The following HJV variants were observed in gnomAD, a reference collection of about 807,000 sequenced individuals.
HJV encodes the protein hemojuvelin BMP co-receptor.
A neutral mutation model predicts 22.7 loss-of-function variants in HJV; 18 were observed. That is an observed-to-expected ratio of 0.79 (90% CI 0.55 to 1.18). The LOEUF (loss-of-function observed/expected upper bound fraction) is 1.18, where lower values mean the gene tolerates loss of function less well. Among genes scored for constraint, HJV ranks in the 50% most tolerant of loss-of-function variants. The probability of loss-of-function intolerance (pLI) is 0.00; values close to 1 mark genes in which losing one functional copy is unlikely to be tolerated. For synonymous variants in HJV, 229 were observed against 222.7 expected (o/e 1.03, Z -0.25); for missense variants, 572 against 553.0 (o/e 1.03, Z -0.34).
At position 146,018,496 on chromosome 1, in the gene HJV, G is replaced by A. The variant is rs782493762; in HGVS notation, c.862C>T (p.Arg288Trp). The change falls in exon 4 of 4, where the codon CGG becomes TGG. Residue 288 changes from arginine to tryptophan, a missense_variant. Arg to Trp is a moderately radical substitution (Grantham distance 101). Transcript: ENST00000336751. Reference sequence around the variant, plus strand: ...AAGGAGAGCTGCCCAGCTGTCTGCCGAATGATTATAGTTGTGCCAATGTAG... The same window carrying A: ...AAGGAGAGCTGCCCAGCTGTCTGCCAAATGATTATAGTTGTGCCAATGTAG... The part of the protein sequence containing the change: ...AAYIGTTIII[R>W]QTAGQLSFSI... The A allele has an allele frequency of 4.3e-6, 7 of 1,614,142 alleles. No homozygotes were observed. The highest frequency in any genetic ancestry group is 3.3e-5 in the Admixed American group (2 of 60,026).
chr1:146,017,625 C>T lies in HJV; in HGVS notation c.*452G>A, dbSNP rs1652412540. ...TTTGAATCAAGAAAGCAGAACATAC[C>T]TTACACACACATATTCATCAAATAG... is the stretch of plus-strand genomic sequence containing the variant. On this transcript the variant is annotated 3_prime_UTR_variant, in exon 4 of 4. Coordinates refer to ENST00000336751, the MANE Select transcript of HJV (RefSeq NM_213653.4). The T allele has an allele frequency of 4.7e-6, 1 of 210,710 alleles. No individual in the cohort carries two copies. The highest frequency in any genetic ancestry group is 5.3e-5 in the Admixed American group (1 of 18,780). The allele number at this position is 210,710 out of a possible 1,614,324, so 13.1% of individuals were successfully genotyped here.
intron 3 of HJV, 57 bp downstream of exon 3, chr1:146,019,118 A>C: frequency 7.3e-7 from 1 of 1,372,382 alleles, no homozygotes; most frequent in Non-Finnish European, 1.0e-6. Context: ...ATGGGGAGGA[A>C]TGGTGCCCGT....
intron 1 of HJV, 157 bp from the exon 2 acceptor site, chr1:146,020,477 CTT>C: frequency 2.1e-6 from 1 of 467,170 alleles, no homozygotes; most frequent in Admixed American, 3.3e-5. Flanking sequence ...AGTTAAGCCT[CTT>C]TGCCCTGTTC....
rs1553769330 is a variant in HJV, at chr1:146,018,056, G to A, written c.*21C>T. 1 of 1,612,908 alleles carries A rather than the reference G, an allele frequency of 6.2e-7. No homozygotes were observed. Among genetic ancestry groups the A allele is most frequent in the Admixed American group, 1.7e-5 (1 of 60,002 alleles). On this transcript the variant is annotated 3_prime_UTR_variant, in exon 4 of 4. Coordinates refer to ENST00000336751, the MANE Select transcript of HJV (RefSeq NM_213653.4). ...GTATCTCCAAATCATTTCCAAACTAGTAATGGGACTGATGGTCCCCTTACT... is the reference window on the plus strand; with the variant it reads ...GTATCTCCAAATCATTTCCAAACTAATAATGGGACTGATGGTCCCCTTACT...
intron 1 of HJV, among the ~76,000 whole-genome samples, chr1:146,021,321 T>C: frequency 6.6e-6 from 1 of 152,262 alleles, no homozygotes; most frequent in South Asian, 2.1e-4. Context: ...GAACTCCTTC[T>C]AAAACTTCAT....
In HJV at chr1:146,019,527, G is replaced by A. The variant is rs782681137; in HGVS notation, c.305C>T (p.Ala102Val). 1.5e-5 allele frequency: 25 copies of A among 1,613,060 alleles called. No individual in the cohort carries two copies. The highest frequency in any genetic ancestry group is 6.6e-5 in the South Asian group (6 of 91,084). Reference sequence around the variant, plus strand: ...GATGCCATGTACCGCCGAATGGAAGGCGAGGTCCCCGCGGCAGGTGCGGGC... The same window carrying A: ...GATGCCATGTACCGCCGAATGGAAGACGAGGTCCCCGCGGCAGGTGCGGGC... ...RTARTCRGDL[A>V]FHSAVHGIED... is the part of the protein sequence containing the mutation. Residue 102 changes from alanine to valine, a missense_variant, in exon 3 of 4, where the codon GCC (alanine) becomes GTC (valine). By Grantham distance (64) the Ala-to-Val change is moderately conservative. Coordinates refer to ENST00000336751, the MANE Select transcript of HJV (RefSeq NM_213653.4).
At chr1:146,018,770 A>G (rs1464108845) in intron 3 of HJV, 70 bp from the exon 4 acceptor site, 1 of 1,480,188 alleles carries the variant, frequency 6.8e-7, no homozygotes, top group African/African-American at 1.4e-5. Context: ...GACCTCATAC[A>G]TAGTTAGAGA....
At position 146,019,406 on chromosome 1, in the gene HJV, G is replaced by A; in HGVS notation, c.426C>T (p.Leu142=). The A allele has an allele frequency of 6.2e-7, 1 of 1,613,058 alleles. No homozygotes were observed. ...GPALPGAGSG[L]PAPDPCDYEG... ...CATAGTCACAAGGGTCCGGGGCAGG[G>A]AGGCCGGAGCCCGCGCCTGGAAGGG... is the stretch of plus-strand genomic sequence containing the variant. The change falls in exon 3 of 4, where the codon CTC becomes CTT. Residue 142 remains leucine, a synonymous_variant. Transcript: ENST00000336751.
Position 146,019,432 on chromosome 1 carries a change from C to T in HJV, c.400G>A (p.Ala134Thr). The change falls in exon 3 of 4, where the codon GCC (alanine) becomes ACC (threonine). Residue 134 changes from alanine to threonine, a missense_variant. By Grantham distance (58) the Ala-to-Thr change is moderately conservative. Coordinates refer to ENST00000336751, the MANE Select transcript of HJV (RefSeq NM_213653.4). ...AGGCCGGAGCCCGCGCCTGGAAGGG[C>T]GGGGCCCCGGGGCGGGGGAGGGGCT... ...PTAPPPPRGPALPGAGSGLPA... is the reference protein window; with the variant it reads ...PTAPPPPRGPTLPGAGSGLPA... 6.2e-7 allele frequency: 1 copy of T among 1,611,652 alleles called. No individual in the cohort carries two copies. The highest frequency in any genetic ancestry group is 1.1e-5 in the South Asian group (1 of 91,030).
At position 146,018,023 on chromosome 1, in the gene HJV, GCCAATCTGTATCT is replaced by G; in HGVS notation, c.*41_*53del. ...TTAATGATTCTTTACATTCTTCTATGCCAATCTGTATCTCCAAATCATTTCCAAACTAGTAATG... is the reference window on the plus strand; with the variant it reads ...TTAATGATTCTTTACATTCTTCTATGCCAAATCATTTCCAAACTAGTAATG... On this transcript the variant is annotated 3_prime_UTR_variant, in exon 4 of 4. Coordinates refer to ENST00000336751, the MANE Select transcript of HJV (RefSeq NM_213653.4). 6.3e-7 allele frequency: 1 copy of G among 1,579,158 alleles called. No homozygotes were observed. The highest frequency in any genetic ancestry group is 8.7e-7 in the Non-Finnish European group (1 of 1,149,392).
intron 1 of HJV, 92 bp downstream of exon 1, chr1:146,021,495 G>A (rs1008106313): frequency 6.5e-6 from 1 of 152,674 alleles, no homozygotes; most frequent in Non-Finnish European, 1.5e-5. Flanking sequence ...GCATTTGGAC[G>A]AGAGACATCC....
intron 2 of HJV, 140 bp from the exon 3 acceptor site, chr1:146,019,874 C>G: frequency 7.5e-7 from 1 of 1,331,934 alleles, no homozygotes; most frequent in Non-Finnish European, 1.1e-6. Flanking sequence ...CCCCAGCCCC[C>G]AACCCCCTAG....
rs202011978 is a variant in HJV at position 146,019,446 on chromosome 1, G to A, written c.386C>T (p.Pro129Leu). 4.7e-5 allele frequency: 76 copies of A among 1,612,410 alleles called. No homozygotes were observed. In the African/African-American group the frequency reaches 9.3e-4, roughly 20 times the overall value. The change falls in exon 3 of 4, where the codon CCG becomes CTG. Residue 129 changes from proline to leucine, a missense_variant. Pro to Leu is a moderately conservative substitution (Grantham distance 98). Transcript: ENST00000336751. ...GCCTGGAAGGGCGGGGCCCCGGGGCGGGGGAGGGGCTGTAGGGCCCTGGCG... is the reference window on the plus strand; with the variant it reads ...GCCTGGAAGGGCGGGGCCCCGGGGCAGGGGAGGGGCTGTAGGGCCCTGGCG... ...CSRQGPTAPP[P>L]PRGPALPGAG...
intron 2 of HJV, 148 bp downstream of exon 2, chr1:146,019,987 G>T: frequency 1.3e-6 from 1 of 798,852 alleles, no homozygotes; most frequent in Non-Finnish European, 2.1e-6. Context: ...AGACTGAACG[G>T]GAAATAAAAT....
rs781825539 is a variant in HJV at position 146,020,100 on chromosome 1, A to G, written c.97+35T>C. Reference sequence around the variant, plus strand: ...ACCCCTACATAGCAGCCTACCCTCTAGATTTCCCCAAACCCTTCCCTGGCC... The same window carrying G: ...ACCCCTACATAGCAGCCTACCCTCTGGATTTCCCCAAACCCTTCCCTGGCC... On this transcript the variant is annotated intron_variant, in intron 2 of 3. Coordinates refer to ENST00000336751, the MANE Select transcript of HJV (RefSeq NM_213653.4). 2.8e-6 allele frequency: 4 copies of G among 1,442,952 alleles called. No homozygotes were observed. The East Asian group carries it at 9.1e-5, about 33-fold the overall frequency. 89.4% of individuals were successfully genotyped at this position (1,442,952 alleles called of 1,614,324 possible). A position where few individuals can be genotyped will look rare whatever the true frequency, so the allele number is the denominator to read the frequency against.
rs1553769521 is a variant in HJV, at chr1:146,018,655, CCTT to C, written c.700_702del (p.Lys234del). On this transcript the variant is annotated inframe_deletion, in exon 4 of 4. Transcript: ENST00000336751. ...AGATTATCCACCTCAGCCTGATACA[CCTT>C]CTGATCAATGCATTCCTGCATGTTC... is the stretch of plus-strand genomic sequence containing the variant. 9 of 1,614,030 alleles carry C rather than the reference CCTT, an allele frequency of 5.6e-6. No homozygotes were observed. Among genetic ancestry groups the C allele is most frequent in the Non-Finnish European group, 7.6e-6 (9 of 1,180,000 alleles).
chr1:146,019,875 A>T, intron 2 of HJV, 141 bp from the exon 3 acceptor site: 1 of 1,317,068 alleles, frequency 7.6e-7, no homozygotes, highest in Admixed American at 1.9e-5. Flanking sequence ...CCCAGCCCCC[A>T]ACCCCCTAGT....
intron 1 of HJV, among the ~76,000 whole-genome samples, chr1:146,020,786 C>T (rs1453939747): frequency 6.6e-6 from 1 of 152,170 alleles, no homozygotes; most frequent in African/African-American, 2.4e-5. Flanking sequence ...TGTCAGAACA[C>T]AAGAAGGATT....
chr1:146,019,789 G>A, intron 2 of HJV, 55 bp from the exon 3 acceptor site: 1 of 1,613,336 alleles, frequency 6.2e-7, no homozygotes, highest in South Asian at 1.1e-5. Flanking sequence ...TGCTCTATCG[G>A]AGTGTAGTTT....
Sources: gnomAD v4.1 joint callset for allele counts (sites outside exome capture counted in the v4.1 genomes callset) on GRCh38, gnomAD v4.1.1 for gene constraint, MANE v1.5 for transcripts, NCBI Gene and HGNC (gene_info 2026-07-23, HGNC 2026-07-21) for gene names.